TSC22D2: variants seen among roughly 807,000 people sequenced by gnomAD.
The protein encoded by TSC22D2 is TSC22 domain family member 2, also known as TSC22 domain family protein 2.
Under a neutral mutation model 50.1 loss-of-function variants are expected in TSC22D2, and 5 were observed. That is an observed-to-expected ratio of 0.10 (90% CI 0.05 to 0.21). The LOEUF is 0.21. Ranked by LOEUF, TSC22D2 falls within the 10% of genes least tolerant of loss-of-function variation. TSC22D2 has a pLI of 1.00. For missense variants in TSC22D2, 1,003 were observed against 1,015.5 expected (o/e 0.99, Z 0.17); for synonymous variants, 501 against 450.1 (o/e 1.11, Z -1.43).
chr3:150,448,968 TACCACAA>T (rs2108098450), intron 1 of TSC22D2, among the ~76,000 whole-genome samples: 1 of 151,972 alleles, frequency 6.6e-6, no homozygotes, highest in East Asian at 1.9e-4. Context: ...TATAGATCTT[TACCACAA>T]ATTTTTACCA....
intron 1 of TSC22D2, among the ~76,000 whole-genome samples, chr3:150,452,428 A>G (rs1328998838): frequency 2.0e-5 from 3 of 151,736 alleles, no homozygotes; most frequent in African/African-American, 7.3e-5. Flanking sequence ...CTGGGCAACG[A>G]GAGTGAAACT....
At chr3:150,434,572 C>A (rs995564388) in intron 1 of TSC22D2, among the ~76,000 whole-genome samples, 3 of 152,136 alleles carry the variant, frequency 2.0e-5, no homozygotes, top group African/African-American at 7.2e-5. Flanking sequence ...ATTTCAATAT[C>A]TTTTTCCTTT....
At position 150,458,907 on chromosome 3, in the gene TSC22D2, A is replaced by G. The variant is rs1439268856; in HGVS notation, c.*271A>G. 10 of 344,416 alleles carry G rather than the reference A, an allele frequency of 2.9e-5. No homozygotes were observed. The East Asian group carries it at 5.0e-4, about 17-fold the overall frequency. 21.3% of individuals were successfully genotyped at this position (344,416 alleles called of 1,614,324 possible). A position where few individuals can be genotyped will look rare whatever the true frequency, so the allele number is the denominator to read the frequency against. On this transcript the variant is annotated 3_prime_UTR_variant, in exon 3 of 3. Coordinates refer to ENST00000688009, the MANE Select transcript of TSC22D2 (RefSeq NM_001303264.2). ...AAAGTCTGCATTTTACCTGGTGCGC[A>G]TGAGTGGGGTCTTTAAGAGTTTTGG... is the stretch of plus-strand genomic sequence containing the variant.
intron 1 of TSC22D2, among the ~76,000 whole-genome samples, chr3:150,448,876 G>GTATATA (rs34210756): frequency 8.6e-4 from 126 of 146,930 alleles, no homozygotes; most frequent in Non-Finnish European, 1.1e-3. Context: ...TTTTAATCTT[G>GTATATA]TATATATATA....
chr3:150,425,915 T>G (rs1720168398), intron 1 of TSC22D2, among the ~76,000 whole-genome samples: 1 of 152,246 alleles, frequency 6.6e-6, no homozygotes, highest in Non-Finnish European at 1.5e-5. Flanking sequence ...ATTAATAGAC[T>G]TTTCACCAAG....
At chr3:150,448,102 TACTC>T (rs1426532312) in intron 1 of TSC22D2, among the ~76,000 whole-genome samples, 5 of 152,194 alleles carry the variant, frequency 3.3e-5, no homozygotes, top group African/African-American at 1.2e-4. Context: ...TCTTAGGTCT[TACTC>T]AGAGGAAGGA....
At chr3:150,432,291 A>C (rs1034933817) in intron 1 of TSC22D2, among the ~76,000 whole-genome samples, 1 of 152,196 alleles carries the variant, frequency 6.6e-6, no homozygotes, top group Admixed American at 6.5e-5. Flanking sequence ...TATTTAATAA[A>C]TTTCTAAACC....
At position 150,463,702 on chromosome 3, in the gene TSC22D2, T is replaced by C. The variant is rs1348639501; in HGVS notation, c.*5066T>C. 2 of 152,182 alleles carry C rather than the reference T, an allele frequency of 1.3e-5. No homozygotes were observed. Among genetic ancestry groups the C allele is most frequent in the Non-Finnish European group, 2.9e-5 (2 of 68,046 alleles). The allele number at this position is 152,182 out of a possible 1,614,324, so 9.4% of individuals were successfully genotyped here. A position where few individuals can be genotyped will look rare whatever the true frequency, so the allele number is the denominator to read the frequency against. On this transcript the variant is annotated 3_prime_UTR_variant, in exon 3 of 3. Transcript: ENST00000688009. ...GCTAAGTGAGGCACTCTGAAGCAAG[T>C]TAAAGTTCACAGACATTCTTGCTTG...
chr3:150,462,211 G>C lies in TSC22D2; in HGVS notation c.*3575G>C, dbSNP rs1340516477. 1 of 152,176 alleles carries C rather than the reference G, an allele frequency of 6.6e-6. No homozygotes were observed. Among genetic ancestry groups the C allele is most frequent in the Non-Finnish European group, 1.5e-5 (1 of 68,058 alleles). 9.4% of individuals were successfully genotyped at this position (152,176 alleles called of 1,614,324 possible). A position where few individuals can be genotyped will look rare whatever the true frequency, so the allele number is the denominator to read the frequency against. Reference sequence around the variant, plus strand: ...AGAGCCAGAGGGAAGGGTGTTCCAAGCACAAGAAAAGAGAACTCAATGGCT... The same window carrying C: ...AGAGCCAGAGGGAAGGGTGTTCCAACCACAAGAAAAGAGAACTCAATGGCT... On this transcript the variant is annotated 3_prime_UTR_variant, in exon 3 of 3. Transcript: ENST00000688009.
chr3:150,453,868 A>C (rs1721114529), intron 1 of TSC22D2, among the ~76,000 whole-genome samples: 1 of 152,230 alleles, frequency 6.6e-6, no homozygotes, highest in Non-Finnish European at 1.5e-5. Flanking sequence ...AGCTCAATCT[A>C]ATAGGATCAA....
At chr3:150,416,870 A>G (rs1436066605) in intron 1 of TSC22D2, among the ~76,000 whole-genome samples, 1 of 152,136 alleles carries the variant, frequency 6.6e-6, no homozygotes, top group Non-Finnish European at 1.5e-5. Context: ...TGGATTGCTT[A>G]TCTCAAATTT....
rs1011824217 is a variant in TSC22D2 at position 150,461,555 on chromosome 3, C to T, written c.*2919C>T. On this transcript the variant is annotated 3_prime_UTR_variant, in exon 3 of 3. Coordinates refer to ENST00000688009, the MANE Select transcript of TSC22D2 (RefSeq NM_001303264.2). ...TGTCTACAATTCAAACCTAACTTTC[C>T]CCAAATAAAATTTAGTTTGTTCCGA... is the stretch of plus-strand genomic sequence containing the variant. The T allele has an allele frequency of 1.1e-4, 17 of 152,144 alleles. No homozygotes were observed. Among genetic ancestry groups the T allele is most frequent in the African/African-American group, 4.1e-4 (17 of 41,496 alleles). The allele number at this position is 152,144 out of a possible 1,614,324, so 9.4% of individuals were successfully genotyped here. A position where few individuals can be genotyped will look rare whatever the true frequency, so the allele number is the denominator to read the frequency against.
chr3:150,423,228 A>G (rs1720072932), intron 1 of TSC22D2: 1 of 751,148 alleles, frequency 1.3e-6, no homozygotes, highest in Non-Finnish European at 2.1e-6. Flanking sequence ...TTAGGGGGGA[A>G]ATCACATGGT....
chr3:150,410,656 G>A lies in TSC22D2; in HGVS notation c.1306G>A (p.Ala436Thr), dbSNP rs956206354. The change falls in exon 1 of 3, where the codon GCC becomes ACC. Residue 436 changes from alanine to threonine, a missense_variant. Ala to Thr is a moderately conservative substitution (Grantham distance 58). Coordinates refer to ENST00000688009, the MANE Select transcript of TSC22D2 (RefSeq NM_001303264.2). ...GGGCGCGTCTTCCCAGCCCAGCGAA[G>A]CCATGGCCCCCCGGACGGGACCAGC... ...LMGASSQPSE[A>T]MAPRTGPAQG... 3.2e-6 allele frequency: 5 copies of A among 1,554,420 alleles called. No homozygotes were observed. The African/African-American group carries it at 6.8e-5, about 21-fold the overall frequency.
At chr3:150,415,998 A>C (rs1411472487) in intron 1 of TSC22D2, among the ~76,000 whole-genome samples, 1 of 152,190 alleles carries the variant, frequency 6.6e-6, no homozygotes, top group African/African-American at 2.4e-5. Flanking sequence ...AACCCAAATA[A>C]ATCTGTTTCC....
At chr3:150,416,672 C>A (rs777715783) in intron 1 of TSC22D2, among the ~76,000 whole-genome samples, 26 of 152,072 alleles carry the variant, frequency 1.7e-4, no homozygotes, top group Admixed American at 2.6e-4. Context: ...GGGTGTCCCT[C>A]ATAAAAAGGT....
At chr3:150,456,929 A>T in intron 1 of TSC22D2, 147 bp from the exon 2 acceptor site, 1 of 664,994 alleles carries the variant, frequency 1.5e-6, no homozygotes, top group Non-Finnish European at 2.6e-6. Context: ...GAGAGCTTTG[A>T]GTACTGAAAT....
chr3:150,437,940 C>A, intron 1 of TSC22D2, among the ~76,000 whole-genome samples: 1 of 152,088 alleles, frequency 6.6e-6, no homozygotes, highest in Admixed American at 6.6e-5. Context: ...GGTGTTAAAT[C>A]ATAATTTCTG....
At chr3:150,457,667 G>A (rs988657813) in intron 2 of TSC22D2, among the ~76,000 whole-genome samples, 2 of 151,982 alleles carry the variant, frequency 1.3e-5, no homozygotes, top group Admixed American at 1.3e-4. Flanking sequence ...AGATAGTCTC[G>A]CTCTGTCACC....
Sources: gnomAD v4.1 joint callset for allele counts (sites outside exome capture counted in the v4.1 genomes callset) on GRCh38, gnomAD v4.1.1 for gene constraint, MANE v1.5 for transcripts, NCBI Gene and HGNC (gene_info 2026-07-23, HGNC 2026-07-21) for gene names.